The following OR2L13 variants were observed in gnomAD, a reference collection of about 807,000 sequenced individuals.
The protein encoded by OR2L13 is olfactory receptor family 2 subfamily L member 13, also known as olfactory receptor 2L13.
In OR2L13, 14 loss-of-function variants were observed where a neutral mutation model predicts 15.3. That is an observed-to-expected ratio of 0.91 (90% CI 0.60 to 1.43). The LOEUF is 1.43. Among genes scored for constraint, OR2L13 ranks in the 40% most tolerant of loss-of-function variants. The pLI is 0.00. For missense variants in OR2L13, 367 were observed against 387.9 expected (o/e 0.95, Z 0.45); for synonymous variants, 152 against 142.9 (o/e 1.06, Z -0.45).
At chr1:248,087,367 A>G in the OR2L13 span, 4 of 152,224 alleles carry the variant, frequency 2.6e-5, no homozygotes, top group Admixed American at 6.6e-5. Flanking sequence ...TGTGCCTGCA[A>G]CTTTACAAAG....
chr1:247,949,901 C>T, the OR2L13 span: 1 of 811,150 alleles, frequency 1.2e-6, no homozygotes, highest in Non-Finnish European at 1.8e-6. Context: ...TAAAACTAAC[C>T]AACGGAAGAA....
chr1:247,949,520 C>G, the OR2L13 span: 10 of 1,613,934 alleles, frequency 6.2e-6, no homozygotes, highest in African/African-American at 1.3e-4. Flanking sequence ...GCCAGGTTCT[C>G]TTTGCTGTCT....
chr1:248,027,058 ATAG>A, the OR2L13 span, among the ~76,000 whole-genome samples: 1 of 152,194 alleles, frequency 6.6e-6, no homozygotes, highest in East Asian at 1.9e-4. Context: ...TCAAAAGCAA[ATAG>A]GAGAAATATC....
chr1:247,977,140 G>C, the OR2L13 span, among the ~76,000 whole-genome samples: 1 of 152,120 alleles, frequency 6.6e-6, no homozygotes, highest in East Asian at 1.9e-4. Flanking sequence ...CAGTGGCTTG[G>C]TCTTTTCCTC....
the OR2L13 span, among the ~76,000 whole-genome samples, chr1:248,069,063 C>G: frequency 6.6e-6 from 1 of 152,110 alleles, no homozygotes; most frequent in Admixed American, 6.5e-5. Flanking sequence ...GTATATTATC[C>G]AGGAGAACTT....
At chr1:248,077,611 G>GA in the OR2L13 span, among the ~76,000 whole-genome samples, 1 of 151,802 alleles carries the variant, frequency 6.6e-6, no homozygotes, top group Non-Finnish European at 1.5e-5. Context: ...TGACATAGAA[G>GA]AAAATCTTTA....
the OR2L13 span, among the ~76,000 whole-genome samples, chr1:248,083,132 C>A: frequency 6.6e-6 from 1 of 152,084 alleles, no homozygotes; most frequent in South Asian, 2.1e-4. Context: ...CTTTTTCATG[C>A]AACTATATTT....
At chr1:248,004,774 A>G in the OR2L13 span, among the ~76,000 whole-genome samples, 1 of 152,216 alleles carries the variant, frequency 6.6e-6, no homozygotes. Flanking sequence ...TGATTTTGGT[A>G]TGGTATAAGA....
chr1:248,082,140 C>T, the OR2L13 span, among the ~76,000 whole-genome samples: 23 of 145,048 alleles, frequency 1.6e-4, no homozygotes, highest in Non-Finnish European at 3.3e-4. Flanking sequence ...GGCATATATA[C>T]ACCATGGAAT....
chr1:248,008,616 TAGAG>T, the OR2L13 span, among the ~76,000 whole-genome samples: 2 of 152,120 alleles, frequency 1.3e-5, no homozygotes, highest in Admixed American at 1.3e-4. Flanking sequence ...CTGTCAATAT[TAGAG>T]AGATCACTGA....
chr1:248,071,888 G>A, the OR2L13 span, among the ~76,000 whole-genome samples: 1 of 151,446 alleles, frequency 6.6e-6, no homozygotes, highest in Non-Finnish European at 1.5e-5. Context: ...TTGCTTCAAA[G>A]AGAATAAAAT....
the OR2L13 span, chr1:247,966,243 C>T: frequency 8.1e-6 from 13 of 1,613,048 alleles, no homozygotes; most frequent in Non-Finnish European, 1.1e-5. Context: ...ACCCATTTAT[C>T]TACAGCCTGA....
At chr1:247,987,592 C>A in the OR2L13 span, among the ~76,000 whole-genome samples, 1 of 152,114 alleles carries the variant, frequency 6.6e-6, no homozygotes, top group Non-Finnish European at 1.5e-5. Flanking sequence ...CTAAAATATT[C>A]GACCCATAAC....
the OR2L13 span, chr1:248,083,837 G>A: frequency 6.2e-7 from 1 of 1,613,344 alleles, no homozygotes; most frequent in Non-Finnish European, 8.5e-7. Flanking sequence ...AGGTAAAAAT[G>A]GCAGCTCCAT....
At chr1:248,070,624 T>C in the OR2L13 span, among the ~76,000 whole-genome samples, 5 of 151,644 alleles carry the variant, frequency 3.3e-5, no homozygotes, top group African/African-American at 9.7e-5. Context: ...ATAACTAAAA[T>C]CAGAGCAGAA....
chr1:248,007,248 C>T, the OR2L13 span, among the ~76,000 whole-genome samples: 1 of 152,150 alleles, frequency 6.6e-6, no homozygotes, highest in African/African-American at 2.4e-5. Flanking sequence ...TACTGACATT[C>T]CTGTATAGGC....
At chr1:248,092,878 G>C (rs1406197157), upstream of OR2L13, among the ~76,000 whole-genome samples, 2 of 152,138 alleles carry the variant, frequency 1.3e-5, no homozygotes, top group African/African-American at 2.4e-5. Flanking sequence ...TCTTTGGTCA[G>C]AGCCTCCAAG....
chr1:248,070,676 T>C, the OR2L13 span, among the ~76,000 whole-genome samples: 6 of 152,078 alleles, frequency 3.9e-5, no homozygotes, highest in Non-Finnish European at 7.4e-5. Context: ...AAAAAATTAA[T>C]GAATCCAGGA....
chr1:248,043,927 T>G, the OR2L13 span, among the ~76,000 whole-genome samples: 1 of 152,212 alleles, frequency 6.6e-6, no homozygotes, highest in East Asian at 1.9e-4. Flanking sequence ...TATTATTATC[T>G]TTAAAGAAAA....
Sources: allele counts gnomAD v4.1 joint callset (sites outside exome capture counted in the v4.1 genomes callset), GRCh38; gene constraint gnomAD v4.1.1; transcripts MANE v1.5; gene names NCBI Gene and HGNC (gene_info 2026-07-23, HGNC 2026-07-21).